Variants in FBXW11 observed in about 807,000 individuals in gnomAD.
FBXW11 encodes the protein F-box and WD repeat domain containing 11, also known as F-box/WD repeat-containing protein 11.
Under a neutral mutation model 77.6 loss-of-function variants are expected in FBXW11, and 19 were observed. That is an observed-to-expected ratio of 0.24 (90% CI 0.17 to 0.36). FBXW11 has a LOEUF of 0.36. Ranked by LOEUF, FBXW11 falls within the 10% of genes least tolerant of loss-of-function variation. FBXW11 has a pLI of 1.00. For missense variants in FBXW11, 334 were observed against 704.2 expected, an observed-to-expected ratio of 0.47 and a Z score of 5.95; for synonymous variants, 235 against 249.4, an observed-to-expected ratio of 0.94 and a Z score of 0.54.
chr5:171,946,311 T>C (rs1369855791), intron 2 of FBXW11, among the ~76,000 whole-genome samples: 1 of 152,158 alleles, frequency 6.6e-6, no homozygotes, highest in Non-Finnish European at 1.5e-5. Flanking sequence ...AATCTTAGAG[T>C]TGGTCTCCCT....
intron 7 of FBXW11, among the ~76,000 whole-genome samples, chr5:171,887,955 G>A (rs947094237): frequency 2.0e-5 from 3 of 152,094 alleles, no homozygotes; most frequent in South Asian, 2.1e-4. Context: ...CACCACACCC[G>A]GCTTTTTCTC....
intron 1 of FBXW11, among the ~76,000 whole-genome samples, chr5:171,996,450 C>A (rs534495685): frequency 1.4e-4 from 21 of 152,240 alleles, no homozygotes; most frequent in African/African-American, 5.1e-4. Flanking sequence ...GCAAATCATT[C>A]GAGCCCAGGA....
At chr5:171,951,060 A>G (rs1466857732) in intron 2 of FBXW11, among the ~76,000 whole-genome samples, 2 of 152,112 alleles carry the variant, frequency 1.3e-5, no homozygotes, top group East Asian at 3.9e-4. Flanking sequence ...AGATTACTAA[A>G]CTTTTCTGTA....
At chr5:172,004,869 A>ACACACT (rs1554112100) in intron 1 of FBXW11, among the ~76,000 whole-genome samples, 3 of 136,004 alleles carry the variant, frequency 2.2e-5, no homozygotes, top group African/African-American at 3.3e-5. Context: ...CCCCACGTGC[A>ACACACT]CACACACACA....
At chr5:171,978,411 A>C (rs1764960478) in intron 1 of FBXW11, among the ~76,000 whole-genome samples, 1 of 152,174 alleles carries the variant, frequency 6.6e-6, no homozygotes, top group Non-Finnish European at 1.5e-5. Flanking sequence ...TACAGGAAAA[A>C]ACTGGACGAG....
chr5:171,910,826 G>A (rs1174558165), intron 3 of FBXW11, 29 bp from the exon 4 acceptor site: 2 of 1,428,602 alleles, frequency 1.4e-6, no homozygotes, highest in Non-Finnish European at 1.9e-6. Context: ...AAAAAAATTA[G>A]TTTAACAAGG....
In FBXW11 at chr5:171,891,578, T is replaced by C. The variant is rs1268301025; in HGVS notation, c.741A>G (p.Gly247=). 1 of 1,611,234 alleles carries C rather than the reference T, an allele frequency of 6.2e-7. No individual in the cohort carries two copies. The highest frequency in any genetic ancestry group is 8.5e-7 in the Non-Finnish European group (1 of 1,178,890). ...IETIESNWRC[G]RHNLQRIQCR... The stretch of plus-strand genomic sequence containing the variant: ...ACTGAATCCTCTGCAAGTTGTGTCG[T>C]CCACACCGCCAGTTAGATTCTATAG... Residue 247 remains glycine (G), a synonymous_variant, in exon 7 of 14, where the codon GGA becomes GGG. Transcript: ENST00000517395.
At chr5:171,997,742 T>C (rs1766146047) in intron 1 of FBXW11, among the ~76,000 whole-genome samples, 1 of 152,182 alleles carries the variant, frequency 6.6e-6, no homozygotes, top group African/African-American at 2.4e-5. Context: ...CCATATTATA[T>C]CAATATTCTT....
At chr5:171,998,244 G>C (rs1766178460) in intron 1 of FBXW11, among the ~76,000 whole-genome samples, 1 of 151,294 alleles carries the variant, frequency 6.6e-6, no homozygotes, top group Non-Finnish European at 1.5e-5. Context: ...GGGCCATCCT[G>C]AAAGGGTAAT....
At chr5:171,956,238 G>A (rs530377145) in intron 2 of FBXW11, among the ~76,000 whole-genome samples, 17 of 152,126 alleles carry the variant, frequency 1.1e-4, no homozygotes, top group Non-Finnish European at 2.5e-4. Flanking sequence ...ACAGCATCAA[G>A]GAGAGCACAT....
intron 1 of FBXW11, among the ~76,000 whole-genome samples, chr5:171,976,707 A>G (rs1456977658): frequency 2.6e-5 from 4 of 152,106 alleles, no homozygotes; most frequent in African/African-American, 9.7e-5. Flanking sequence ...TTTGAGATTC[A>G]GGTCCCTTAA....
At chr5:171,993,149 A>T (rs1228661340) in intron 1 of FBXW11, among the ~76,000 whole-genome samples, 5 of 151,890 alleles carry the variant, frequency 3.3e-5, no homozygotes, top group Non-Finnish European at 7.4e-5. Context: ...AAGTAAGCTG[A>T]ATGAGGGTGT....
chr5:171,881,951 T>G, intron 7 of FBXW11, among the ~76,000 whole-genome samples: 1 of 152,114 alleles, frequency 6.6e-6, no homozygotes, highest in East Asian at 1.9e-4. Context: ...GGAATCTGAG[T>G]GCTTTTTTTT....
chr5:171,868,840 C>A (rs369700717), intron 12 of FBXW11, 44 bp from the exon 13 acceptor site: 9 of 1,550,238 alleles, frequency 5.8e-6, no homozygotes, highest in Admixed American at 1.9e-5. Context: ...ATCTTTACAG[C>A]CCCTGATATC....
chr5:171,994,704 T>TACC (rs368238674), intron 1 of FBXW11, among the ~76,000 whole-genome samples: 35 of 151,996 alleles, frequency 2.3e-4, no homozygotes, highest in South Asian at 1.2e-3. Flanking sequence ...GTACCATTAC[T>TACC]ACCACCACCA....
rs570161866 is a variant in FBXW11 at position 171,998,093 on chromosome 5, T to C, written c.45+8365A>G. Among the ~76,000 whole-genome samples, 3 of 152,228 alleles carry C rather than the reference T, an allele frequency of 2.0e-5. No homozygotes were observed. In the East Asian group the frequency reaches 5.8e-4, roughly 29 times the overall value. On this transcript the variant is annotated intron_variant, in intron 1 of 13. Transcript: ENST00000517395. ...TCATGGAGCACTATGGACTCCACAGTTCAAGGGTCAGAAAGCCCATGATTT... is the reference window on the plus strand; with the variant it reads ...TCATGGAGCACTATGGACTCCACAGCTCAAGGGTCAGAAAGCCCATGATTT...
Position 171,934,120 on chromosome 5 carries a change from C to A in FBXW11, c.148-19715G>T, listed in dbSNP as rs1025285253. Among the ~76,000 whole-genome samples, 12 of 152,240 alleles carry A rather than the reference C, an allele frequency of 7.9e-5. No homozygotes were observed. The East Asian group carries it at 2.1e-3, about 27-fold the overall frequency. On this transcript the variant is annotated intron_variant, in intron 2 of 13. Transcript: ENST00000517395. ...ACTATATACAATGTATGCCTTAGTG[C>A]GTAAGCGCATACTGTTTTTGAGAAA...
chr5:171,962,453 A>T (rs1408445490), intron 1 of FBXW11, among the ~76,000 whole-genome samples: 1 of 152,222 alleles, frequency 6.6e-6, no homozygotes, highest in African/African-American at 2.4e-5. Context: ...TGATATTAAC[A>T]GCTAATACCT....
intron 2 of FBXW11, among the ~76,000 whole-genome samples, chr5:171,923,909 CTTTTTTTTTTTTT>C (rs70982354): frequency 1.8e-4 from 9 of 49,192 alleles, no homozygotes; most frequent in South Asian, 1.4e-3. Context: ...GAAACCCCAC[CTTTTTTTTTTTTT>C]TTTTTTTTTT....
Sources: allele counts gnomAD v4.1 joint callset (sites outside exome capture counted in the v4.1 genomes callset), GRCh38; gene constraint gnomAD v4.1.1; transcripts MANE v1.5; gene names NCBI Gene and HGNC (gene_info 2026-07-23, HGNC 2026-07-21).